The following ADGRA3 variants were observed in gnomAD, a reference collection of about 807,000 sequenced individuals.
ADGRA3 encodes adhesion G protein-coupled receptor A3.
ADGRA3 carries 56 observed loss-of-function variants against 119.8 expected under a neutral mutation model. The ratio of observed to expected loss-of-function variants is 0.47; its 90% CI spans 0.38 to 0.58. The LOEUF is 0.58. ADGRA3 is among the 20% of genes least tolerant of loss of function. The pLI, the probability that ADGRA3 is intolerant of heterozygous loss-of-function variation, is 0.00. For missense variants in ADGRA3, 1,516 were observed against 1,649.0 expected (o/e 0.92, Z 1.40); for synonymous variants, 607 against 623.8 (o/e 0.97, Z 0.40).
chr4:22,419,772 G>T (rs1715575503), intron 12 of ADGRA3, among the ~76,000 whole-genome samples: 1 of 151,728 alleles, frequency 6.6e-6, no homozygotes, highest in African/African-American at 2.4e-5. Flanking sequence ...GTTTTGTTTT[G>T]TTTTTTTCCC....
At chr4:22,435,503 C>G in intron 9 of ADGRA3, 37 bp from the exon 10 acceptor site, 1 of 1,541,878 alleles carries the variant, frequency 6.5e-7, no homozygotes, top group Non-Finnish European at 8.9e-7. Context: ...ACAAAACAGT[C>G]ATTAGCAAAA....
chr4:22,432,362 T>C (rs1179601392), intron 10 of ADGRA3, among the ~76,000 whole-genome samples: 1 of 152,012 alleles, frequency 6.6e-6, no homozygotes, highest in Non-Finnish European at 1.5e-5. Flanking sequence ...TGATGTGTGG[T>C]GAAGTTCTAC....
intron 6 of ADGRA3, chr4:22,443,235 T>G: frequency 1.9e-6 from 1 of 516,606 alleles, no homozygotes; most frequent in East Asian, 3.2e-5. Flanking sequence ...GCAATACCTT[T>G]GATTACAACA....
rs372378305 is a variant in ADGRA3, at chr4:22,388,759, T to C, written c.2912A>G (p.Asn971Ser). Residue 971 changes from asparagine (N) to serine (S), a missense_variant, in exon 19 of 19, where the codon AAT (asparagine) becomes AGT (serine). Transcript: ENST00000334304. ...AGACAAAGACATTGAATCCTGATGA[T>C]TTATTTCGCCATTTTCATTGGCTGC... ...RLAANENGEI[N>S]HQDSMSLSLI... The C allele has an allele frequency of 6.8e-6, 11 of 1,613,980 alleles. No homozygotes were observed. The highest frequency in any genetic ancestry group is 9.3e-6 in the Non-Finnish European group (11 of 1,179,970).
chr4:22,407,875 A>G (rs188756292), intron 14 of ADGRA3, among the ~76,000 whole-genome samples: 7 of 152,308 alleles, frequency 4.6e-5, no homozygotes, highest in Admixed American at 4.6e-4. Context: ...TATCAATAAG[A>G]ATAATTAAAA....
chr4:22,447,500 C>T lies in ADGRA3; in HGVS notation c.485G>A (p.Gly162Glu). The change falls in exon 5 of 19, where the codon GGG (glycine) becomes GAG (glutamate). Residue 162 changes from glycine (G) to glutamate (E), a missense_variant. Coordinates refer to ENST00000334304, the MANE Select transcript of ADGRA3 (RefSeq NM_145290.4). ...LTNLVRLNLS[G>E]NLFSSLSQGT... ...TTGAGATAATGAAGAAAACAAATTC[C>T]CCGAAAGGTTTCTGAAAGACAGAAA... 1 of 1,569,890 alleles carries T rather than the reference C, an allele frequency of 6.4e-7. No individual in the cohort carries two copies. Among genetic ancestry groups the T allele is most frequent in the Non-Finnish European group, 8.6e-7 (1 of 1,157,330 alleles).
At chr4:22,485,176 G>A (rs928787380) in intron 1 of ADGRA3, among the ~76,000 whole-genome samples, 1 of 152,032 alleles carries the variant, frequency 6.6e-6, no homozygotes, top group Non-Finnish European at 1.5e-5. Flanking sequence ...CCACCTCCTG[G>A]GTTCAAGCAA....
chr4:22,412,642 C>T (rs552208548), intron 14 of ADGRA3, among the ~76,000 whole-genome samples: 2 of 152,158 alleles, frequency 1.3e-5, no homozygotes, highest in East Asian at 3.9e-4. Context: ...TTAACAACGG[C>T]AAATAACAGA....
intron 4 of ADGRA3, among the ~76,000 whole-genome samples, chr4:22,448,818 C>T (rs1716920575): frequency 6.6e-6 from 1 of 151,942 alleles, no homozygotes; most frequent in African/African-American, 2.4e-5. Flanking sequence ...GAATAAGTAC[C>T]TAGGAACTTA....
At position 22,436,648 on chromosome 4, in the gene ADGRA3, A is replaced by G. The variant is rs201876182; in HGVS notation, c.1086-7T>C. On this transcript the variant is annotated splice_region_variant and splice_polypyrimidine_tract_variant and intron_variant, in intron 8 of 18. Coordinates refer to ENST00000334304, the MANE Select transcript of ADGRA3 (RefSeq NM_145290.4). ...TGCCAATGTTCTGGGCCATCTAGAG[A>G]TGAAGACAAAATAGTACAAGAAAAT... 2 of 1,612,306 alleles carry G rather than the reference A, an allele frequency of 1.2e-6. No homozygotes were observed. The highest frequency in any genetic ancestry group is 2.7e-5 in the African/African-American group (2 of 75,016).
chr4:22,388,130 C>A lies in ADGRA3; in HGVS notation c.3541G>T (p.Ala1181Ser), dbSNP rs893051811. The A allele has an allele frequency of 6.2e-7, 1 of 1,614,076 alleles. No individual in the cohort carries two copies. The change falls in exon 19 of 19, where the codon GCA (alanine) becomes TCA (serine). Residue 1181 changes from alanine (A) to serine (S), a missense_variant. Around this residue, in one of 2 missense-constraint regions of ADGRA3, gnomAD observed 1,088 missense variants for 1,107.1 expected, o/e 0.98. Transcript: ENST00000334304. ...HHKNRSKGHR[A>S]SRLTVLREYA... ...TCTCTCAGGACTGTGAGTCGGCTTGCCCGGTGTCCTTTACTTCTGTTTTTA... is the reference window on the plus strand; with the variant it reads ...TCTCTCAGGACTGTGAGTCGGCTTGACCGGTGTCCTTTACTTCTGTTTTTA...
intron 8 of ADGRA3, among the ~76,000 whole-genome samples, chr4:22,437,644 C>T (rs1716447443): frequency 6.6e-6 from 1 of 152,156 alleles, no homozygotes; most frequent in Non-Finnish European, 1.5e-5. Flanking sequence ...CCTAAACTTT[C>T]TACTAAAATA....
chr4:22,463,330 T>C (rs1461944912), intron 2 of ADGRA3, among the ~76,000 whole-genome samples: 1 of 152,198 alleles, frequency 6.6e-6, no homozygotes, highest in African/African-American at 2.4e-5. Flanking sequence ...CCTTACTTAC[T>C]TGAAATGTAC....
At position 22,388,672 on chromosome 4, in the gene ADGRA3, C is replaced by T. The variant is rs372520777; in HGVS notation, c.2999G>A (p.Ser1000Asn). 1 of 1,614,060 alleles carries T rather than the reference C, an allele frequency of 6.2e-7. No individual in the cohort carries two copies. The change falls in exon 19 of 19, where the codon AGC becomes AAC. Residue 1000 changes from serine (S) to asparagine (N), a missense_variant. Ser to Asn is a conservative substitution (Grantham distance 46). Around this residue, in one of 2 missense-constraint regions of ADGRA3, gnomAD observed 1,088 missense variants for 1,107.1 expected, o/e 0.98. Transcript: ENST00000334304. ...TGCAACATATAAGAGCAAAGTAAGG[C>T]TGGCCCCCAAGAGCTGAGAATGAAA... is the stretch of plus-strand genomic sequence containing the variant. The part of the protein sequence containing the change: ...HTFHSQLLGA[S>N]LTLLLYVALW...
intron 1 of ADGRA3, chr4:22,477,812 T>G (rs2109128331): frequency 6.6e-6 from 1 of 152,326 alleles, no homozygotes; most frequent in African/African-American, 2.4e-5. Flanking sequence ...TACACATTAT[T>G]TGATGTGTTT....
intron 10 of ADGRA3, among the ~76,000 whole-genome samples, chr4:22,430,815 A>AGGCATCCAAGGAAAACG (rs59815336): frequency 1.3e-5 from 2 of 151,864 alleles, no homozygotes; most frequent in Non-Finnish European, 2.9e-5. Context: ...CAGGCCTGTG[A>AGGCATCCAAGGAAAACG]TGGTTTCATA....
At chr4:22,453,364 C>G (rs1053653774) in intron 4 of ADGRA3, among the ~76,000 whole-genome samples, 2 of 152,106 alleles carry the variant, frequency 1.3e-5, no homozygotes, top group African/African-American at 2.4e-5. Context: ...CCAAATCAGT[C>G]TTTTATTTAA....
At chr4:22,509,237 T>A (rs1388665941) in intron 1 of ADGRA3, among the ~76,000 whole-genome samples, 2 of 151,930 alleles carry the variant, frequency 1.3e-5, no homozygotes, top group Admixed American at 1.3e-4. Flanking sequence ...GAGTGGTGGC[T>A]CATGCCTGTA....
intron 8 of ADGRA3, among the ~76,000 whole-genome samples, chr4:22,437,718 C>T (rs1716450744): frequency 6.6e-6 from 1 of 152,118 alleles, no homozygotes; most frequent in Non-Finnish European, 1.5e-5. Context: ...TCCATGGCTC[C>T]CCAAGTTTCA....
Sources: gnomAD v4.1 joint callset for allele counts (sites outside exome capture counted in the v4.1 genomes callset) on GRCh38, gnomAD v4.1.1 for gene constraint, gnomAD v4.1.1 regional missense constraint, MANE v1.5 for transcripts, NCBI Gene and HGNC (gene_info 2026-07-23, HGNC 2026-07-21) for gene names.